Variants in GPC5 observed in about 807,000 individuals in gnomAD.
The protein encoded by GPC5 is glypican-5.
A neutral mutation model predicts 53.9 loss-of-function variants in GPC5; 47 were observed. The observed-to-expected ratio is 0.87, with a 90% CI of 0.69 to 1.11. The LOEUF (loss-of-function observed/expected upper bound fraction) is 1.11. GPC5 is among the 50% of genes most tolerant of loss of function. The probability of loss-of-function intolerance (pLI) is 0.00; values close to 1 mark genes in which losing one functional copy is unlikely to be tolerated. For missense variants in GPC5, 748 were observed against 713.1 expected (o/e 1.05, Z -0.56); for synonymous variants, 286 against 263.3 (o/e 1.09, Z -0.84).
chr13:92,124,247 T>TG (rs2041675390), intron 6 of GPC5, among the ~76,000 whole-genome samples: 1 of 32,680 alleles, frequency 3.1e-5, no homozygotes, highest in Non-Finnish European at 5.9e-5. Context: ...CCGGACAGAA[T>TG]GAAAAAAAAA....
At position 92,664,117 on chromosome 13, in the gene GPC5, A is replaced by G. The variant is rs374681158; in HGVS notation, c.1562-202165A>G. On this transcript the variant is annotated intron_variant, in intron 7 of 7. Transcript: ENST00000377067. ...CAATATGGAGAACCTGATGCCTTCA[A>G]TTATAGAGTTGTAGCTGTTGCTCTG... Among the ~76,000 whole-genome samples, 65 of 151,934 alleles carry G rather than the reference A, an allele frequency of 4.3e-4. No individual in the cohort carries two copies. In the South Asian group the frequency reaches 6.9e-3, roughly 16 times the overall value.
intron 2 of GPC5, among the ~76,000 whole-genome samples, chr13:91,641,990 A>C (rs999769914): frequency 2.0e-5 from 3 of 152,228 alleles, no homozygotes; most frequent in Admixed American, 6.5e-5. Flanking sequence ...AATGCAAAGG[A>C]ATTACATGTT....
At chr13:92,693,018 G>T (rs1887458251) in intron 7 of GPC5, among the ~76,000 whole-genome samples, 1 of 151,872 alleles carries the variant, frequency 6.6e-6, no homozygotes, top group South Asian at 2.1e-4. Context: ...AATAATATCT[G>T]ATGGTTAAAA....
intron 7 of GPC5, among the ~76,000 whole-genome samples, chr13:92,813,184 G>A (rs1453628944): frequency 1.3e-5 from 2 of 151,744 alleles, no homozygotes; most frequent in Non-Finnish European, 2.9e-5. Flanking sequence ...AGAACCCCAA[G>A]GCATCCTAAC....
intron 6 of GPC5, among the ~76,000 whole-genome samples, chr13:91,929,423 A>G (rs918015694): frequency 6.6e-6 from 1 of 152,118 alleles, no homozygotes; most frequent in African/African-American, 2.4e-5. Flanking sequence ...CAAAATTAAC[A>G]TTGGCATTGA....
chr13:91,817,648 T>A (rs773348546), intron 5 of GPC5, among the ~76,000 whole-genome samples: 43 of 152,158 alleles, frequency 2.8e-4, no homozygotes, highest in Non-Finnish European at 5.6e-4. Context: ...TGTGTTTTCT[T>A]CTTAAAGTGT....
chr13:92,295,904 C>T (rs72638628), intron 7 of GPC5, among the ~76,000 whole-genome samples: 26,583 of 152,048 alleles, frequency 0.17, 2,472 homozygotes, highest in South Asian at 0.32. Flanking sequence ...AATTCTTACT[C>T]GTTCTGCAAT....
At chr13:92,309,357 A>G (rs2043131297) in intron 7 of GPC5, among the ~76,000 whole-genome samples, 1 of 152,124 alleles carries the variant, frequency 6.6e-6, no homozygotes, top group Non-Finnish European at 1.5e-5. Context: ...GACTAGAGGT[A>G]GACATGACTA....
At chr13:92,667,200 C>CTG (rs974090540) in intron 7 of GPC5, among the ~76,000 whole-genome samples, 4 of 152,048 alleles carry the variant, frequency 2.6e-5, no homozygotes, top group Admixed American at 2.6e-4. Context: ...GCATGTGTGT[C>CTG]TGTGTGTGTA....
intron 7 of GPC5, among the ~76,000 whole-genome samples, chr13:92,269,437 G>A (rs974966924): frequency 2.0e-4 from 31 of 151,388 alleles, no homozygotes; most frequent in African/African-American, 6.8e-4. Flanking sequence ...ACAGAGTCTC[G>A]CTCTGTCGTC....
chr13:91,693,811 T>C lies in GPC5; in HGVS notation c.950T>C (p.Leu317Pro), dbSNP rs747158778. The C allele has an allele frequency of 6.2e-7, 1 of 1,613,554 alleles. No homozygotes were observed. The highest frequency in any genetic ancestry group is 1.1e-5 in the South Asian group (1 of 91,078). The change falls in exon 3 of 8, where the codon CTG becomes CCG. Residue 317 changes from leucine (L) to proline (P), a missense_variant. Leu to Pro is a moderately conservative substitution (Grantham distance 98). Coordinates refer to ENST00000377067, the MANE Select transcript of GPC5 (RefSeq NM_004466.6). ...ACATACGACATTGGACACGTGCTGC[T>C]GAACTTTCACTTGCTTGTTAATGAT... The part of the protein sequence containing the change: ...HGTYDIGHVL[L>P]NFHLLVNDAV...
At chr13:92,418,958 A>G (rs1041514959) in intron 7 of GPC5, among the ~76,000 whole-genome samples, 1 of 152,230 alleles carries the variant, frequency 6.6e-6, no homozygotes, top group Non-Finnish European at 1.5e-5. Context: ...CCTGTCTGCA[A>G]CCCTGGAGAG....
rs905736659 is a variant in GPC5 at position 91,533,323 on chromosome 13, G to A, written c.325+84401G>A. Reference sequence around the variant, plus strand: ...TTTCCAAAGGAGTGTTATAATCATTGGGCTTGAGAAAATTAGTTCAAAGAC... The same window carrying A: ...TTTCCAAAGGAGTGTTATAATCATTAGGCTTGAGAAAATTAGTTCAAAGAC... On this transcript the variant is annotated intron_variant, in intron 2 of 7. Coordinates refer to ENST00000377067, the MANE Select transcript of GPC5 (RefSeq NM_004466.6). Among the ~76,000 whole-genome samples, 6 of 152,228 alleles carry A rather than the reference G, an allele frequency of 3.9e-5. No individual in the cohort carries two copies. In the South Asian group the frequency reaches 8.3e-4, roughly 21 times the overall value.
chr13:92,473,995 A>T (rs1185256843), intron 7 of GPC5, among the ~76,000 whole-genome samples: 3 of 152,154 alleles, frequency 2.0e-5, no homozygotes, highest in African/African-American at 4.8e-5. Flanking sequence ...CAAAAGGCAG[A>T]GCTGAGATTA....
At chr13:91,624,815 G>A (rs1170193229) in intron 2 of GPC5, among the ~76,000 whole-genome samples, 1 of 151,610 alleles carries the variant, frequency 6.6e-6, no homozygotes, top group African/African-American at 2.4e-5. Context: ...TTTAGAAACA[G>A]GTATTATAAA....
At chr13:91,665,669 A>AT (rs2035095082) in intron 2 of GPC5, among the ~76,000 whole-genome samples, 2 of 151,814 alleles carry the variant, frequency 1.3e-5, no homozygotes, top group Admixed American at 6.6e-5. Context: ...CACCCCGCTA[A>AT]TTTTTTGTAT....
intron 2 of GPC5, among the ~76,000 whole-genome samples, chr13:91,496,421 T>C (rs1258504869): frequency 2.0e-5 from 3 of 152,184 alleles, no homozygotes; most frequent in Non-Finnish European, 4.4e-5. Context: ...ATGTGGTACA[T>C]ATACACAACG....
chr13:91,696,891 C>G lies in GPC5; in HGVS notation c.1020+3010C>G, dbSNP rs7331521. On this transcript the variant is annotated intron_variant, in intron 3 of 7. Transcript: ENST00000377067. ...TAACAAAGAGTAGGAATTAAAAGCA[C>G]AAGTCCAAGTGTTAAATTGGATTTC... Among the ~76,000 whole-genome samples, 822 of 152,288 alleles carry G rather than the reference C, an allele frequency of 5.4e-3. 8 individuals are homozygous for G. Among genetic ancestry groups the G allele is most frequent in the South Asian group, 0.035 (167 of 4,816 alleles).
At chr13:91,715,822 A>G (rs1319245571) in intron 3 of GPC5, among the ~76,000 whole-genome samples, 2 of 148,222 alleles carry the variant, frequency 1.3e-5, no homozygotes, top group Non-Finnish European at 3.0e-5. Context: ...CACCCAGGCT[A>G]GAGTGCAGTG....
Sources: allele counts gnomAD v4.1 joint callset (sites outside exome capture counted in the v4.1 genomes callset), GRCh38; gene constraint gnomAD v4.1.1; transcripts MANE v1.5; gene names NCBI Gene and HGNC (gene_info 2026-07-23, HGNC 2026-07-21).